The following SCRT2 variants were observed in gnomAD, a reference collection of about 807,000 sequenced individuals.
SCRT2 encodes transcriptional repressor scratch 2.
SCRT2 carries 2 observed loss-of-function variants against 3.7 expected under a neutral mutation model. The observed-to-expected ratio is 0.54, with a 90% CI of 0.22 to 1.70. The LOEUF (loss-of-function observed/expected upper bound fraction) is 1.70, where lower values mean the gene tolerates loss of function less well. Among genes scored for constraint, SCRT2 ranks in the 40% most tolerant of loss-of-function variants. SCRT2 has a pLI of 0.19. For missense variants in SCRT2, 456 were observed against 468.5 expected (o/e 0.97, Z 0.25); for synonymous variants, 256 against 220.6 (o/e 1.16, Z -1.42).
At chr20:669,270 C>A (rs1419698788) in intron 1 of SCRT2, among the ~76,000 whole-genome samples, 1 of 152,208 alleles carries the variant, frequency 6.6e-6, no homozygotes, top group Non-Finnish European at 1.5e-5. Context: ...TGCAAGGCAT[C>A]CTGCTAAATG....
At chr20:669,459 C>A (rs1013405353) in intron 1 of SCRT2, among the ~76,000 whole-genome samples, 2 of 152,160 alleles carry the variant, frequency 1.3e-5, no homozygotes, top group African/African-American at 4.8e-5. Context: ...CCCAGTCTCT[C>A]CCAGACTCCC....
Position 675,488 on chromosome 20 carries a change from C to T in SCRT2, c.114G>A (p.Arg38=), listed in dbSNP as rs780127647. The T allele has an allele frequency of 1.5e-6, 2 of 1,365,380 alleles. No homozygotes were observed. The highest frequency in any genetic ancestry group is 6.7e-5 in the Admixed American group (2 of 29,838). 84.6% of individuals were successfully genotyped at this position (1,365,380 alleles called of 1,614,324 possible). Residue 38 remains arginine, a synonymous_variant, in exon 1 of 2, where the codon CGG becomes CGA. Coordinates refer to ENST00000246104, the MANE Select transcript of SCRT2 (RefSeq NM_033129.4). The surrounding 1 kb of genome is among the most constrained non-coding windows in gnomAD (Gnocchi z 6.9). ...ACTCACCGTTGTCCCCGGGAGGCCC[C>T]CGGGCGCCAGGCAGCACGTAGGCTG... The part of the protein sequence containing the change: ...LETAYVLPGA[R]GPPGDNGYAP...
intron 1 of SCRT2, among the ~76,000 whole-genome samples, chr20:669,411 T>A (rs1382765324): frequency 1.3e-5 from 2 of 152,124 alleles, no homozygotes; most frequent in Non-Finnish European, 2.9e-5. Flanking sequence ...TGGGTTGGCC[T>A]CCTTTTCTTT....
At chr20:668,060 C>T (rs537394009) in intron 1 of SCRT2, among the ~76,000 whole-genome samples, 1 of 152,256 alleles carries the variant, frequency 6.6e-6, no homozygotes, top group South Asian at 2.1e-4. Context: ...CATCTTTCTG[C>T]CACACCTGTA....
chr20:672,426 C>CGT (rs1352914064), intron 1 of SCRT2, among the ~76,000 whole-genome samples: 4 of 149,728 alleles, frequency 2.7e-5, no homozygotes, highest in Admixed American at 1.3e-4. Flanking sequence ...TGTGTGTGCG[C>CGT]GCGTGCGTGT....
At position 663,474 on chromosome 20, in the gene SCRT2, C is replaced by T. The variant is rs1984027349; in HGVS notation, c.*197G>A. 1 of 440,532 alleles carries T rather than the reference C, an allele frequency of 2.3e-6. No homozygotes were observed. Among genetic ancestry groups the T allele is most frequent in the Non-Finnish European group, 3.7e-6 (1 of 269,270 alleles). 27.3% of individuals were successfully genotyped at this position (440,532 alleles called of 1,614,324 possible). ...GGAAAGGATGAAGTGGGTCGGGGGA[C>T]GCTGGGGAAGACGGTGTGGAAGTGA... On this transcript the variant is annotated 3_prime_UTR_variant, in exon 2 of 2. Coordinates refer to ENST00000246104, the MANE Select transcript of SCRT2 (RefSeq NM_033129.4). This position sits in a 1 kb window ranked among gnomAD's most constrained non-coding sequence, Gnocchi z 6.9.
At position 666,366 on chromosome 20, in the gene SCRT2, C is replaced by T. The variant is rs1050498734; in HGVS notation, c.134-1905G>A. 5.3e-5 allele frequency among the ~76,000 whole-genome samples: 8 copies of T among 152,118 alleles called. No individual in the cohort carries two copies. The highest frequency in any genetic ancestry group is 1.2e-4 in the African/African-American group (5 of 41,402). ...GTTGTTTCAGACTGAGTTAAATACC[C>T]GTCAGGCACTCCCAGACCCCCCTCC... On this transcript the variant is annotated intron_variant, in intron 1 of 1. Transcript: ENST00000246104. The surrounding 1 kb of genome is among the most constrained non-coding windows in gnomAD (Gnocchi z 4.4).
rs1298534957 is a variant in SCRT2, at chr20:662,818, C to G, written c.*853G>C. On this transcript the variant is annotated 3_prime_UTR_variant, in exon 2 of 2. Transcript: ENST00000246104. ...CCAGACTGTGGAAGCCCAGGTTGTG[C>G]CGGGGTGAGAGAGGGGTTACATTAG... 8 of 152,658 alleles carry G rather than the reference C, an allele frequency of 5.2e-5. No individual in the cohort carries two copies. The highest frequency in any genetic ancestry group is 5.2e-4 in the Admixed American group (8 of 15,274). 9.5% of individuals were successfully genotyped at this position (152,658 alleles called of 1,614,324 possible). A position where few individuals can be genotyped will look rare whatever the true frequency, so the allele number is the denominator to read the frequency against.
chr20:664,869 C>T lies in SCRT2; in HGVS notation c.134-408G>A, dbSNP rs1212541684. 6.6e-6 allele frequency among the ~76,000 whole-genome samples: 1 copy of T among 152,258 alleles called. No individual in the cohort carries two copies. Among genetic ancestry groups the T allele is most frequent in the Admixed American group, 6.5e-5 (1 of 15,288 alleles). ...TGTGACCCTGAAGCCCATGCTGTCT[C>T]TATTCCAACAACATGCTGCCGTTGC... On this transcript the variant is annotated intron_variant, in intron 1 of 1. Coordinates refer to ENST00000246104, the MANE Select transcript of SCRT2 (RefSeq NM_033129.4). This position sits in a 1 kb window ranked among gnomAD's most constrained non-coding sequence, Gnocchi z 7.9.
chr20:674,804 G>C (rs976358107), intron 1 of SCRT2, among the ~76,000 whole-genome samples: 5 of 152,028 alleles, frequency 3.3e-5, no homozygotes, highest in African/African-American at 9.7e-5. Context: ...GCTGGGGATG[G>C]GGAAGGAGTG....
At chr20:671,129 T>C (rs1468850363) in intron 1 of SCRT2, among the ~76,000 whole-genome samples, 2 of 152,198 alleles carry the variant, frequency 1.3e-5, no homozygotes, top group African/African-American at 4.8e-5. Context: ...GCCTGAATCT[T>C]GATTCTGGAC....
rs1212459188 is a variant in SCRT2, at chr20:665,517, C to A, written c.134-1056G>T. On this transcript the variant is annotated intron_variant, in intron 1 of 1. Transcript: ENST00000246104. This position sits in a 1 kb window ranked among gnomAD's most constrained non-coding sequence, Gnocchi z 5.0. ...GAGTTGGACCAGGAATCCTGTCTGC[C>A]AAGGGTTTGAGTGATTGGTGGGTGG... is the stretch of plus-strand genomic sequence containing the variant. 6.6e-6 allele frequency among the ~76,000 whole-genome samples: 1 copy of A among 152,116 alleles called. No homozygotes were observed. Among genetic ancestry groups the A allele is most frequent in the Admixed American group, 6.5e-5 (1 of 15,274 alleles).
chr20:673,197 G>A (rs752149677), intron 1 of SCRT2, among the ~76,000 whole-genome samples: 2 of 152,224 alleles, frequency 1.3e-5, no homozygotes, highest in African/African-American at 4.8e-5. Context: ...CCCGATCCCA[G>A]AAATGCCGCT....
intron 1 of SCRT2, among the ~76,000 whole-genome samples, chr20:668,026 G>A (rs1224294665): frequency 1.3e-5 from 2 of 152,254 alleles, no homozygotes; most frequent in Non-Finnish European, 2.9e-5. Context: ...CATCTCCCTA[G>A]GCAACCTTGG....
chr20:668,764 T>G (rs1177072779), intron 1 of SCRT2, among the ~76,000 whole-genome samples: 3 of 151,484 alleles, frequency 2.0e-5, no homozygotes, highest in African/African-American at 7.3e-5. Flanking sequence ...CTCAAAGGAG[T>G]GGTGAAAGGG....
In SCRT2 at chr20:663,820, T is replaced by C; in HGVS notation, c.775A>G (p.Met259Val). The C allele has an allele frequency of 3.8e-6, 6 of 1,597,958 alleles. No individual in the cohort carries two copies. The highest frequency in any genetic ancestry group is 1.3e-5 in the African/African-American group (1 of 74,906). ...TGCTTGAAGGCCGAGTGCGTCTGCA[T>C]GTGCGCGCGCAGGTTGGAGCGGTCG... ...FADRSNLRAHMQTHSAFKHYR... is the reference protein window; with the variant it reads ...FADRSNLRAHVQTHSAFKHYR... The change falls in exon 2 of 2, where the codon ATG (methionine) becomes GTG (valine). Residue 259 changes from methionine (M) to valine (V), a missense_variant. Met to Val is a conservative substitution (Grantham distance 21). Coordinates refer to ENST00000246104, the MANE Select transcript of SCRT2 (RefSeq NM_033129.4). This position sits in a 1 kb window ranked among gnomAD's most constrained non-coding sequence, Gnocchi z 6.9.
rs572236033 is a variant in SCRT2 at position 675,193 on chromosome 20, C to G, written c.133+276G>C. Among the ~76,000 whole-genome samples, 3 of 152,192 alleles carry G rather than the reference C, an allele frequency of 2.0e-5. No homozygotes were observed. Among genetic ancestry groups the G allele is most frequent in the African/African-American group, 7.2e-5 (3 of 41,448 alleles). ...AGCCCCGTCTGTGTTCTCTTGCCAC[C>G]CCCTCACTCTAGCCCTATTTGAGGG... On this transcript the variant is annotated intron_variant, in intron 1 of 1. Coordinates refer to ENST00000246104, the MANE Select transcript of SCRT2 (RefSeq NM_033129.4). This position sits in a 1 kb window ranked among gnomAD's most constrained non-coding sequence, Gnocchi z 6.9.
chr20:674,444 C>T (rs1372994623), intron 1 of SCRT2, among the ~76,000 whole-genome samples: 3 of 145,688 alleles, frequency 2.1e-5, no homozygotes, highest in African/African-American at 7.8e-5. Context: ...CACACACAAC[C>T]CAAAGCTGCC....
chr20:668,007 AT>A (rs1984210589), intron 1 of SCRT2, among the ~76,000 whole-genome samples: 2 of 152,300 alleles, frequency 1.3e-5, no homozygotes, highest in South Asian at 4.1e-4. Context: ...TTTTCCTCAG[AT>A]TCACAGACAT....
Sources: gnomAD v4.1 joint callset for allele counts (sites outside exome capture counted in the v4.1 genomes callset) on GRCh38, gnomAD v4.1.1 for gene constraint, Gnocchi (gnomAD v3.1) non-coding constraint, MANE v1.5 for transcripts, NCBI Gene and HGNC (gene_info 2026-07-23, HGNC 2026-07-21) for gene names.